Variants in COL26A1 observed in about 807,000 individuals in gnomAD.
COL26A1 encodes collagen type XXVI alpha 1 chain, also known as collagen alpha-1(XXVI) chain.
A neutral mutation model predicts 59.3 loss-of-function variants in COL26A1; 41 were observed. The observed-to-expected ratio is 0.69, with a 90% confidence interval of 0.54 to 0.90. The LOEUF (loss-of-function observed/expected upper bound fraction) is 0.90. Ranked by LOEUF, COL26A1 falls within the 40% of genes least tolerant of loss-of-function variation. The pLI is 0.00. For synonymous variants in COL26A1, 266 were observed against 256.0 expected (o/e 1.04, Z -0.37); for missense variants, 612 against 602.3 (o/e 1.02, Z -0.17).
chr7:101,397,501 T>TCCTTC (rs201440460), intron 1 of COL26A1, among the ~76,000 whole-genome samples: 4 of 147,056 alleles, frequency 2.7e-5, no homozygotes, highest in South Asian at 2.2e-4. Context: ...CTTCTCCTTC[T>TCCTTC]CCTTCCCTTC....
intron 1 of COL26A1, among the ~76,000 whole-genome samples, chr7:101,400,704 G>T (rs1791976613): frequency 6.6e-6 from 1 of 152,090 alleles, no homozygotes; most frequent in Admixed American, 6.6e-5. Context: ...GATTACAGGT[G>T]CACATCACCA....
chr7:101,468,199 A>G (rs544868737), intron 3 of COL26A1, among the ~76,000 whole-genome samples: 1 of 151,722 alleles, frequency 6.6e-6, no homozygotes, highest in South Asian at 2.1e-4. Context: ...GCTACTCAGG[A>G]GGTTGAGGCA....
chr7:101,455,633 G>T (rs530863304), intron 3 of COL26A1, among the ~76,000 whole-genome samples: 2 of 151,566 alleles, frequency 1.3e-5, no homozygotes, highest in East Asian at 3.9e-4. Flanking sequence ...CTCCCAGGTA[G>T]CTGGGATTAC....
intron 1 of COL26A1, among the ~76,000 whole-genome samples, chr7:101,402,121 G>A (rs1379192447): frequency 1.3e-5 from 2 of 152,182 alleles, no homozygotes; most frequent in Non-Finnish European, 2.9e-5. Flanking sequence ...TGCCAAGACA[G>A]CAGTGTGTGG....
intron 1 of COL26A1, among the ~76,000 whole-genome samples, chr7:101,412,797 C>G (rs912061966): frequency 6.6e-6 from 1 of 152,116 alleles, no homozygotes; most frequent in Non-Finnish European, 1.5e-5. Flanking sequence ...ATAAAAGTTG[C>G]AACACCACTG....
chr7:101,380,049 T>C (rs1791410718), intron 1 of COL26A1, among the ~76,000 whole-genome samples: 3 of 152,208 alleles, frequency 2.0e-5, no homozygotes, highest in African/African-American at 7.2e-5. Context: ...AGGAGTGCAG[T>C]GGTGCGATCT....
chr7:101,373,213 G>T (rs965725633), intron 1 of COL26A1, among the ~76,000 whole-genome samples: 3 of 152,098 alleles, frequency 2.0e-5, no homozygotes, highest in Non-Finnish European at 4.4e-5. Flanking sequence ...AGAAGGGAGT[G>T]CTCAGAGCTA....
At chr7:101,422,088 G>A (rs576391794) in intron 2 of COL26A1, among the ~76,000 whole-genome samples, 1 of 152,070 alleles carries the variant, frequency 6.6e-6, no homozygotes, top group African/African-American at 2.4e-5. Context: ...GAGGCAGGTG[G>A]ATCACCTGAG....
chr7:101,384,230 GT>G (rs35085221), intron 1 of COL26A1, among the ~76,000 whole-genome samples: 16,489 of 105,644 alleles, frequency 0.16, 1,042 homozygotes, highest in Non-Finnish European at 0.18. Context: ...GTTCAGGCTG[GT>G]TTTTTTTTTT....
chr7:101,526,455 C>T (rs1795250392), intron 3 of COL26A1, among the ~76,000 whole-genome samples: 1 of 152,220 alleles, frequency 6.6e-6, no homozygotes, highest in Non-Finnish European at 1.5e-5. Flanking sequence ...CCTCTGAGAC[C>T]TCTCACAGAG....
chr7:101,368,954 GTGTGTGTA>G (rs550441548), intron 1 of COL26A1, among the ~76,000 whole-genome samples: 67 of 93,054 alleles, frequency 7.2e-4, no homozygotes, highest in South Asian at 1.6e-3. Flanking sequence ...TAAGCAATTT[GTGTGTGTA>G]TGTGTGTGTG....
At chr7:101,463,599 C>T (rs529975792) in intron 3 of COL26A1, among the ~76,000 whole-genome samples, 4 of 131,218 alleles carry the variant, frequency 3.0e-5, no homozygotes, top group Non-Finnish European at 1.6e-5. Context: ...CCCTCCCTCC[C>T]TTTCTTCTTC....
chr7:101,412,702 G>A (rs1231874640), intron 1 of COL26A1, among the ~76,000 whole-genome samples: 1 of 150,974 alleles, frequency 6.6e-6, no homozygotes, highest in Non-Finnish European at 1.5e-5. Flanking sequence ...CTGCCTCTGA[G>A]CTGCTACTCT....
At chr7:101,441,465 C>T (rs1793055642) in intron 2 of COL26A1, among the ~76,000 whole-genome samples, 1 of 152,088 alleles carries the variant, frequency 6.6e-6, no homozygotes, top group South Asian at 2.1e-4. Flanking sequence ...GCGCCCACCA[C>T]CATGCCCGGC....
intron 4 of COL26A1, among the ~76,000 whole-genome samples, chr7:101,536,600 T>C (rs1335745164): frequency 1.3e-5 from 2 of 152,210 alleles, no homozygotes; most frequent in Non-Finnish European, 2.9e-5. Context: ...ATCAGATGGC[T>C]TGCATAAAAC....
At chr7:101,505,611 T>C (rs927205175) in intron 3 of COL26A1, among the ~76,000 whole-genome samples, 6 of 152,196 alleles carry the variant, frequency 3.9e-5, no homozygotes, top group African/African-American at 1.4e-4. Context: ...GCATCCAGCA[T>C]GGGAGAAGGA....
intron 3 of COL26A1, among the ~76,000 whole-genome samples, chr7:101,448,024 G>A (rs1031853956): frequency 6.6e-6 from 1 of 152,230 alleles, no homozygotes; most frequent in Non-Finnish European, 1.5e-5. Context: ...TTGGGTAGTG[G>A]AATACAGAAG....
intron 1 of COL26A1, among the ~76,000 whole-genome samples, chr7:101,415,032 T>C (rs1792339400): frequency 6.6e-6 from 1 of 152,232 alleles, no homozygotes; most frequent in Non-Finnish European, 1.5e-5. Context: ...TTTAAGCTGT[T>C]AGATTCCTTT....
intron 1 of COL26A1, among the ~76,000 whole-genome samples, chr7:101,409,833 T>G (rs1468082572): frequency 2.6e-5 from 4 of 152,120 alleles, no homozygotes; most frequent in African/African-American, 9.7e-5. Context: ...TGATCTCTGC[T>G]CACAGCAACC....
Sources: gnomAD v4.1 joint callset for allele counts (sites outside exome capture counted in the v4.1 genomes callset) on GRCh38, gnomAD v4.1.1 for gene constraint, MANE v1.5 for transcripts, NCBI Gene and HGNC (gene_info 2026-07-23, HGNC 2026-07-21) for gene names.